CTIF: variants seen among roughly 807,000 people sequenced by gnomAD.
The protein encoded by CTIF is CBP80/20-dependent translation initiation factor.
A neutral mutation model predicts 66.0 loss-of-function variants in CTIF; 21 were observed. The observed-to-expected ratio is 0.32, with a 90% CI of 0.23 to 0.46. CTIF has a LOEUF of 0.46. Ranked by LOEUF, CTIF falls within the 20% of genes least tolerant of loss-of-function variation. The probability of loss-of-function intolerance (pLI) is 1.00; values close to 1 mark genes in which losing one functional copy is unlikely to be tolerated. For synonymous variants in CTIF, 345 were observed against 326.4 expected (o/e 1.06, Z -0.62); for missense variants, 739 against 812.7 (o/e 0.91, Z 1.10).
intron 1 of CTIF, among the ~76,000 whole-genome samples, chr18:48,582,405 G>C (rs1017328346): frequency 2.0e-5 from 3 of 152,164 alleles, no homozygotes; most frequent in Admixed American, 6.5e-5. Flanking sequence ...GGCTTCTGGG[G>C]ATAAAGGAGG....
intron 10 of CTIF, among the ~76,000 whole-genome samples, chr18:48,819,172 G>C (rs28623096): frequency 0.024 from 3,705 of 152,290 alleles, 141 homozygotes; most frequent in African/African-American, 0.085. Context: ...CTTGAAATCA[G>C]ATTTGTTTCG....
chr18:48,714,982 C>T (rs1227580467), intron 7 of CTIF, among the ~76,000 whole-genome samples: 1 of 152,190 alleles, frequency 6.6e-6, no homozygotes, highest in Non-Finnish European at 1.5e-5. Context: ...AAGTGTGGAG[C>T]ACAGGTGTCT....
intron 7 of CTIF, among the ~76,000 whole-genome samples, chr18:48,723,760 C>T (rs1353677586): frequency 1.3e-5 from 2 of 152,176 alleles, no homozygotes; most frequent in African/African-American, 2.4e-5. Flanking sequence ...CCTCCTGGGT[C>T]GGCATTTACC....
At chr18:48,602,727 T>A (rs1180610896) in intron 1 of CTIF, among the ~76,000 whole-genome samples, 1 of 152,222 alleles carries the variant, frequency 6.6e-6, no homozygotes, top group Non-Finnish European at 1.5e-5. Flanking sequence ...CTGCCCTTCG[T>A]TTTGTGTCCG....
chr18:48,669,793 T>TATATA (rs1568120522), intron 5 of CTIF, among the ~76,000 whole-genome samples: 1,590 of 47,224 alleles, frequency 0.034, 483 homozygotes, highest in East Asian at 0.049. Flanking sequence ...AGCTAAACAT[T>TATATA]TATATATATA....
At chr18:48,713,461 G>A (rs919901320) in intron 7 of CTIF, among the ~76,000 whole-genome samples, 17 of 152,096 alleles carry the variant, frequency 1.1e-4, no homozygotes, top group African/African-American at 1.9e-4. Flanking sequence ...AAGCAGCAGC[G>A]TGACCCAGGG....
intron 7 of CTIF, among the ~76,000 whole-genome samples, chr18:48,741,289 C>G (rs938170012): frequency 7.1e-6 from 1 of 141,166 alleles, no homozygotes; most frequent in African/African-American, 2.7e-5. Flanking sequence ...CGCCCCCCCT[C>G]CTTGGTACAT....
intron 3 of CTIF, among the ~76,000 whole-genome samples, chr18:48,639,441 C>T (rs147738686): frequency 9.2e-5 from 14 of 152,192 alleles, no homozygotes; most frequent in African/African-American, 3.4e-4. Context: ...GCCCAGGGGG[C>T]AGCCTGGAGT....
At chr18:48,728,967 C>G (rs1443357448) in intron 7 of CTIF, among the ~76,000 whole-genome samples, 1 of 152,142 alleles carries the variant, frequency 6.6e-6, no homozygotes, top group Non-Finnish European at 1.5e-5. Context: ...TTTTTCCCCC[C>G]ACTTTAAATG....
chr18:48,583,948 AG>A, intron 1 of CTIF, among the ~76,000 whole-genome samples: 1 of 152,242 alleles, frequency 6.6e-6, no homozygotes, highest in East Asian at 1.9e-4. Context: ...TAGAAAGAAC[AG>A]GAACGGTTTC....
In CTIF at chr18:48,758,273, A is replaced by C. The variant is rs755060893; in HGVS notation, c.939A>C (p.Pro313=). ...CGGTGGCTTCTGAGCGGCTGCCCCC[A>C]CAGCAGTCAGGGGGGCCAGAGGTTG... ...LAPVASERLP[P]QQSGGPEVET... is the part of the protein sequence containing the mutation. The change falls in exon 8 of 12, where the codon CCA becomes CCC. Residue 313 remains proline, a synonymous_variant. Coordinates refer to ENST00000256413, the MANE Select transcript of CTIF (RefSeq NM_014772.3). 6.2e-7 allele frequency: 1 copy of C among 1,613,444 alleles called. No homozygotes were observed. Among genetic ancestry groups the C allele is most frequent in the Non-Finnish European group, 8.5e-7 (1 of 1,179,854 alleles).
chr18:48,833,934 C>G (rs1437917028), intron 10 of CTIF, among the ~76,000 whole-genome samples: 4 of 152,196 alleles, frequency 2.6e-5, no homozygotes, highest in Non-Finnish European at 5.9e-5. Context: ...CAGCGCAGAG[C>G]AGGACTCTCT....
intron 6 of CTIF, among the ~76,000 whole-genome samples, chr18:48,679,856 G>T (rs75798565): frequency 2.6e-5 from 4 of 152,126 alleles, no homozygotes; most frequent in Admixed American, 6.5e-5. Context: ...CTGGGCCTTG[G>T]GGGGTGGCCT....
intron 6 of CTIF, among the ~76,000 whole-genome samples, chr18:48,690,563 G>A (rs1266699718): frequency 2.6e-5 from 4 of 152,140 alleles, no homozygotes; most frequent in African/African-American, 9.7e-5. Flanking sequence ...CCTGAGTACA[G>A]AAGGGCCAGG....
At chr18:48,645,185 C>T (rs1423390363) in intron 3 of CTIF, among the ~76,000 whole-genome samples, 1 of 146,494 alleles carries the variant, frequency 6.8e-6, no homozygotes, top group African/African-American at 2.5e-5. Flanking sequence ...TGCTAGGGTG[C>T]CCAGAACCTG....
rs186478965 is a variant in CTIF, at chr18:48,746,308, G to T, written c.585-11611G>T. Among the ~76,000 whole-genome samples, 15 of 152,106 alleles carry T rather than the reference G, an allele frequency of 9.9e-5. No homozygotes were observed. The East Asian group carries it at 2.9e-3, about 30-fold the overall frequency. On this transcript the variant is annotated intron_variant, in intron 7 of 11. Coordinates refer to ENST00000256413, the MANE Select transcript of CTIF (RefSeq NM_014772.3). ...CCTGCCTGCTCTCAGAGGTGCCCCA[G>T]GCTCCACACTTTCCCTCTTGAAAAG...
chr18:48,636,658 C>T lies in CTIF; in HGVS notation c.225C>T (p.Phe75=). The T allele has an allele frequency of 6.2e-7, 1 of 1,601,770 alleles. No homozygotes were observed. Among genetic ancestry groups the T allele is most frequent in the South Asian group, 1.1e-5 (1 of 88,844 alleles). ...CSEPLDSSCS[F]SRGRAPPQQN... ...AACCGCTGGACAGCAGCTGTTCCTTCTCCCGAGGGCGAGCCCCCCCACAGC... is the reference window on the plus strand; with the variant it reads ...AACCGCTGGACAGCAGCTGTTCCTTTTCCCGAGGGCGAGCCCCCCCACAGC... Residue 75 remains phenylalanine (F), a synonymous_variant, in exon 3 of 12, where the codon TTC becomes TTT. Coordinates refer to ENST00000256413, the MANE Select transcript of CTIF (RefSeq NM_014772.3).
intron 3 of CTIF, among the ~76,000 whole-genome samples, chr18:48,662,862 C>A (rs889158954): frequency 6.6e-6 from 1 of 152,080 alleles, no homozygotes; most frequent in African/African-American, 2.4e-5. Context: ...CGGTGTGATA[C>A]TCCAATATGT....
At chr18:48,672,879 T>A in intron 6 of CTIF, among the ~76,000 whole-genome samples, 1 of 152,140 alleles carries the variant, frequency 6.6e-6, no homozygotes, top group South Asian at 2.1e-4. Context: ...CCAGCCTCTG[T>A]CCTGGGCTCC....
Sources: allele counts gnomAD v4.1 joint callset (sites outside exome capture counted in the v4.1 genomes callset), GRCh38; gene constraint gnomAD v4.1.1; transcripts MANE v1.5; gene names NCBI Gene and HGNC (gene_info 2026-07-23, HGNC 2026-07-21).